The following IQCN variants were observed in gnomAD, a reference collection of about 807,000 sequenced individuals.
IQCN encodes the protein IQ motif containing N.
A neutral mutation model predicts 64.4 loss-of-function variants in IQCN; 46 were observed. The observed-to-expected ratio is 0.71, with a 90% CI of 0.56 to 0.91. IQCN has a LOEUF of 0.91. Ranked by LOEUF, IQCN falls within the 40% of genes least tolerant of loss-of-function variation. The probability of loss-of-function intolerance (pLI) is 0.00; values close to 1 mark genes in which losing one functional copy is unlikely to be tolerated. For synonymous variants in IQCN, 733 were observed against 775.6 expected (o/e 0.95, Z 0.91); for missense variants, 1,753 against 1,857.4 (o/e 0.94, Z 1.03).
rs576379889 is a variant in IQCN at position 18,265,407 on chromosome 19, G to A, written c.2133C>T (p.Thr711=). ...TCTGGGAATGCATCTTGCTCAGACA[G>A]GTGTCCAGATGGGCCAGGGATGGGG... The part of the protein sequence containing the change: ...TKTPSLAHLD[T]CLSKMHSQTH... The change falls in exon 3 of 4, where the codon ACC becomes ACT. Residue 711 remains threonine (T), a synonymous_variant. Transcript: ENST00000392413. This position sits in a 1 kb window ranked among gnomAD's most constrained non-coding sequence, Gnocchi z 4.7. The A allele has an allele frequency of 1.9e-6, 3 of 1,614,222 alleles. No homozygotes were observed. The highest frequency in any genetic ancestry group is 2.2e-5 in the South Asian group (2 of 91,090).
Position 18,266,839 on chromosome 19 carries a change from C to G in IQCN, c.701G>C (p.Gly234Ala). ...CGTCTGGTGTGGCAGGAAGGCCAGC[C>G]CCCGGACTCTGGCAGCATGAGGACC... The part of the protein sequence containing the change: ...VQGPHAARVR[G>A]LAFLPHQTVT... The change falls in exon 3 of 4, where the codon GGG becomes GCG. Residue 234 changes from glycine (G) to alanine (A), a missense_variant. Transcript: ENST00000392413. The surrounding 1 kb of genome is among the most constrained non-coding windows in gnomAD (Gnocchi z 4.3). 6.2e-7 allele frequency: 1 copy of G among 1,613,996 alleles called. No individual in the cohort carries two copies. Among genetic ancestry groups the G allele is most frequent in the Non-Finnish European group, 8.5e-7 (1 of 1,179,946 alleles).
At position 18,258,364 on chromosome 19, in the gene IQCN, G is replaced by A. The variant is rs115258894; in HGVS notation, c.3178-258C>T. ...CTGTGGGTGGGGTTTGCACCACTTC[G>A]GGCTGAGGCCTGGGATGGTTGTCTT... is the stretch of plus-strand genomic sequence containing the variant. On this transcript the variant is annotated intron_variant, in intron 3 of 3. Transcript: ENST00000392413. 2.1e-3 allele frequency: 1,457 copies of A among 684,648 alleles called. 21 individuals are homozygous for A. In the African/African-American group the frequency reaches 0.022, roughly 10 times the overall value. The allele number at this position is 684,648 out of a possible 1,614,324, so 42.4% of individuals were successfully genotyped here. A position where few individuals can be genotyped will look rare whatever the true frequency, so the allele number is the denominator to read the frequency against.
intron 2 of IQCN, among the ~76,000 whole-genome samples, chr19:18,268,974 A>G (rs1404639655): frequency 6.6e-6 from 1 of 151,002 alleles, no homozygotes; most frequent in Admixed American, 6.6e-5. Context: ...AAAAAAAAAA[A>G]AAAAAAAGAG....
rs372544763 is a variant in IQCN at position 18,257,141 on chromosome 19, G to A, written c.*39C>T. On this transcript the variant is annotated 3_prime_UTR_variant, in exon 4 of 4. Transcript: ENST00000392413. ...ATTCATTAGACCCAGAGAGCCATGAGTGCCTCCCACGAAGTCCCCACTGCA... is the reference window on the plus strand; with the variant it reads ...ATTCATTAGACCCAGAGAGCCATGAATGCCTCCCACGAAGTCCCCACTGCA... 6.0e-5 allele frequency: 96 copies of A among 1,590,858 alleles called. No individual in the cohort carries two copies. Among genetic ancestry groups the A allele is most frequent in the Non-Finnish European group, 8.1e-5 (94 of 1,166,204 alleles).
At position 18,258,074 on chromosome 19, in the gene IQCN, T is replaced by C. The variant is rs1169612427; in HGVS notation, c.3210A>G (p.Gln1070=). 2.5e-6 allele frequency: 4 copies of C among 1,612,060 alleles called. No homozygotes were observed. The highest frequency in any genetic ancestry group is 1.7e-5 in the Admixed American group (1 of 60,026). The change falls in exon 4 of 4, where the codon CAA becomes CAG. Residue 1070 remains glutamine, a synonymous_variant. Coordinates refer to ENST00000392413, the MANE Select transcript of IQCN (RefSeq NM_001145304.2). ...CTGGCTCCCATGCGCGGTTCCACGATTGGCCACCAACCACACCAGCGTCCG... is the reference window on the plus strand; with the variant it reads ...CTGGCTCCCATGCGCGGTTCCACGACTGGCCACCAACCACACCAGCGTCCG... ...GPADAGVVGG[Q]SWNRAWEPAR... is the part of the protein sequence containing the mutation.
At position 18,257,134 on chromosome 19, in the gene IQCN, G is replaced by A. The variant is rs1318507855; in HGVS notation, c.*46C>T. The A allele has an allele frequency of 7.6e-6, 12 of 1,579,440 alleles. No homozygotes were observed. Among genetic ancestry groups the A allele is most frequent in the Non-Finnish European group, 1.0e-5 (12 of 1,157,672 alleles). The stretch of plus-strand genomic sequence containing the variant: ...GGACTTTATTCATTAGACCCAGAGA[G>A]CCATGAGTGCCTCCCACGAAGTCCC... On this transcript the variant is annotated 3_prime_UTR_variant, in exon 4 of 4. Coordinates refer to ENST00000392413, the MANE Select transcript of IQCN (RefSeq NM_001145304.2).
Position 18,266,237 on chromosome 19 carries a change from C to T in IQCN, c.1303G>A (p.Ala435Thr), listed in dbSNP as rs1311299488. Residue 435 changes from alanine to threonine, a missense_variant, in exon 3 of 4, where the codon GCT (alanine) becomes ACT (threonine). Transcript: ENST00000392413. This position sits in a 1 kb window ranked among gnomAD's most constrained non-coding sequence, Gnocchi z 4.3. ...AKNRPQVSLL[A>T]SIMKSLPQVC... ...TGGGGCAGGCTCTTCATGATGGAAG[C>T]CAGAAGGGAAACCTGAGGTCGGTTC... is the stretch of plus-strand genomic sequence containing the variant. The T allele has an allele frequency of 6.2e-7, 1 of 1,613,870 alleles. No individual in the cohort carries two copies. The highest frequency in any genetic ancestry group is 1.7e-5 in the Admixed American group (1 of 59,994).
Position 18,265,524 on chromosome 19 carries a change from C to G in IQCN, c.2016G>C (p.Gln672His), listed in dbSNP as rs1261567108. ...LAAPLTNASS[Q>H]RHPPCLSQRP... ...TCTGGGACAGGCAGGGTGGATGTCT[C>G]TGGGATGAGGCATTGGTCAGTGGGG... Residue 672 changes from glutamine to histidine, a missense_variant, in exon 3 of 4, where the codon CAG becomes CAC. By Grantham distance (24) the Gln-to-His change is conservative (BLOSUM62 0). Coordinates refer to ENST00000392413, the MANE Select transcript of IQCN (RefSeq NM_001145304.2). The surrounding 1 kb of genome is among the most constrained non-coding windows in gnomAD (Gnocchi z 4.7). The G allele has an allele frequency of 6.2e-7, 1 of 1,612,504 alleles. No homozygotes were observed.
chr19:18,267,633 C>T (rs562829976), intron 2 of IQCN, 107 bp from the exon 3 acceptor site: 29 of 1,366,382 alleles, frequency 2.1e-5, no homozygotes, highest in African/African-American at 5.8e-5. Context: ...GTTCCTGGCA[C>T]GTTGCGATCT....
At chr19:18,272,221 G>A (rs1226816237) in intron 1 of IQCN, among the ~76,000 whole-genome samples, 2 of 151,314 alleles carry the variant, frequency 1.3e-5, no homozygotes, top group South Asian at 4.2e-4. Context: ...TCTACCTCTC[G>A]GTTTCCAGCG....
rs536971117 is a variant in IQCN at position 18,265,890 on chromosome 19, G to C, written c.1650C>G (p.Asn550Lys). 2 of 1,614,166 alleles carry C rather than the reference G, an allele frequency of 1.2e-6. No homozygotes were observed. The highest frequency in any genetic ancestry group is 2.2e-5 in the South Asian group (2 of 91,080). The change falls in exon 3 of 4, where the codon AAC (asparagine) becomes AAG (lysine). Residue 550 changes from asparagine to lysine, a missense_variant. By Grantham distance (94) the Asn-to-Lys change is moderately conservative. Coordinates refer to ENST00000392413, the MANE Select transcript of IQCN (RefSeq NM_001145304.2). The surrounding 1 kb of genome is among the most constrained non-coding windows in gnomAD (Gnocchi z 4.7). ...TPNTSGSIHE[N>K]PPKAKATVNV... ...TCACGGTGGCCTTGGCCTTGGGTGG[G>C]TTCTCATGGATGGAGCCTGAGGTGT...
Position 18,266,380 on chromosome 19 carries a change from A to G in IQCN, c.1160T>C (p.Val387Ala). 1 of 1,607,086 alleles carries G rather than the reference A, an allele frequency of 6.2e-7. No homozygotes were observed. Among genetic ancestry groups the G allele is most frequent in the Non-Finnish European group, 8.5e-7 (1 of 1,176,918 alleles). ...GCATGTGTGAGGTGCAGTTTTGGTC[A>G]CTGTGGGCCCCGGATACATCTGGGC... The part of the protein sequence containing the change: ...TPAQMYPGPT[V>A]TKTAPHTCPM... The change falls in exon 3 of 4, where the codon GTG (valine) becomes GCG (alanine). Residue 387 changes from valine (V) to alanine (A), a missense_variant. By Grantham distance (64) the Val-to-Ala change is moderately conservative. Transcript: ENST00000392413. The surrounding 1 kb of genome is among the most constrained non-coding windows in gnomAD (Gnocchi z 4.3).
At chr19:18,258,632 C>T in intron 3 of IQCN, 1 of 351,038 alleles carries the variant, frequency 2.8e-6, no homozygotes, top group Middle Eastern at 9.7e-4. Context: ...TGCTGGTGGT[C>T]CCTGACCTCT....
At position 18,257,839 on chromosome 19, in the gene IQCN, C is replaced by T. The variant is rs776672740; in HGVS notation, c.3445G>A (p.Gly1149Ser). The change falls in exon 4 of 4, where the codon GGC becomes AGC. Residue 1149 changes from glycine (G) to serine (S), a missense_variant. Transcript: ENST00000392413. The part of the protein sequence containing the change: ...GAMVIQATWR[G>S]YRVRRNLAHL... ...GCCAGGTTCCGCCGCACACGGTAGC[C>T]GCGCCAAGTAGCTTGGATGACCATG... 5.7e-5 allele frequency: 92 copies of T among 1,611,490 alleles called. No homozygotes were observed. The highest frequency in any genetic ancestry group is 6.8e-5 in the Non-Finnish European group (80 of 1,179,766).
rs370623074 is a variant in IQCN, at chr19:18,265,776, C to A, written c.1764G>T (p.Pro588=). 3.7e-6 allele frequency: 6 copies of A among 1,614,130 alleles called. No individual in the cohort carries two copies. The highest frequency in any genetic ancestry group is 5.1e-6 in the Non-Finnish European group (6 of 1,180,016). ...GKIRCLAQPH[P]GTGVPRAAAE... ...CTGCAGCCCTGGGGACCCCAGTTCC[C>A]GGATGTGGTTGAGCCAGGCACCTGA... The change falls in exon 3 of 4, where the codon CCG becomes CCT. Residue 588 remains proline (P), a synonymous_variant. Transcript: ENST00000392413. The surrounding 1 kb of genome is among the most constrained non-coding windows in gnomAD (Gnocchi z 4.7).
intron 3 of IQCN, chr19:18,258,411 A>T (rs1411504932): frequency 1.6e-6 from 1 of 617,474 alleles, no homozygotes. Context: ...TAAGGGCCTA[A>T]CCCTGGCCAC....
At chr19:18,263,084 C>G (rs1470257265) in intron 3 of IQCN, among the ~76,000 whole-genome samples, 1 of 152,164 alleles carries the variant, frequency 6.6e-6, no homozygotes, top group Non-Finnish European at 1.5e-5. Context: ...AGTGTAGGGT[C>G]ATGTACCTAT....
intron 1 of IQCN, among the ~76,000 whole-genome samples, chr19:18,272,560 A>ATCCCTAATGCCTCACCAGCGCCCTCTTCT (rs1969755256): frequency 6.6e-6 from 1 of 151,172 alleles, no homozygotes; most frequent in African/African-American, 2.4e-5. Flanking sequence ...TCACACCTCT[A>ATCCCTAATGCCTCACCAGCGCCCTCTTCT]TCCCTAATGC....
At chr19:18,261,288 T>C (rs1026686086) in intron 3 of IQCN, 1 of 153,026 alleles carries the variant, frequency 6.5e-6, no homozygotes, top group Non-Finnish European at 1.5e-5. Flanking sequence ...CTGAGGAGGC[T>C]GGGCCAGGCT....
Sources: allele counts gnomAD v4.1 joint callset (sites outside exome capture counted in the v4.1 genomes callset), GRCh38; gene constraint gnomAD v4.1.1; non-coding constraint Gnocchi (gnomAD v3.1); transcripts MANE v1.5; gene names NCBI Gene and HGNC (gene_info 2026-07-23, HGNC 2026-07-21).